Variants in SGSH observed in about 807,000 individuals in gnomAD.
The protein encoded by SGSH is heparan sulfate sulfatase.
In SGSH, 48 loss-of-function variants were observed where a neutral mutation model predicts 51.0. The observed-to-expected ratio is 0.94, with a 90% CI of 0.75 to 1.20. The LOEUF is 1.20. Among genes scored for constraint, SGSH ranks in the 50% most tolerant of loss-of-function variants. SGSH has a pLI of 0.00. For synonymous variants in SGSH, 321 were observed against 313.4 expected, an observed-to-expected ratio of 1.02 and a Z score of -0.26; for missense variants, 662 against 717.8, an observed-to-expected ratio of 0.92 and a Z score of 0.89.
chr17:80,211,220 T>G (rs746621484), intron 7 of SGSH: 4 of 1,407,100 alleles, frequency 2.8e-6, no homozygotes, highest in Non-Finnish European at 3.7e-6. Flanking sequence ...CCTGATTCGG[T>G]GACATTTAGG....
downstream of SGSH, chr17:80,208,293 C>T (rs2041464783): frequency 1.9e-6 from 3 of 1,603,502 alleles, no homozygotes; most frequent in Non-Finnish European, 1.7e-6. Context: ...GTCCGCCAGG[C>T]CATCGCCGAC....
At chr17:80,214,948 C>G (rs1303626941) in intron 3 of SGSH, 85 bp downstream of exon 3, 1 of 1,357,754 alleles carries the variant, frequency 7.4e-7, no homozygotes, top group Non-Finnish European at 1.0e-6. Context: ...CTGAGCGTGC[C>G]TTGGTACAAG....
At chr17:80,205,640 C>T (rs1357903126), downstream of SGSH, 1 of 1,565,090 alleles carries the variant, frequency 6.4e-7, no homozygotes, top group Middle Eastern at 1.8e-4. Context: ...CTGTGGAGTC[C>T]CTCATGGAAA....
At chr17:80,202,126 C>T, downstream of SGSH, 1 of 1,496,630 alleles carries the variant, frequency 6.7e-7, no homozygotes, top group Admixed American at 1.8e-5. Context: ...TGCAACCTTC[C>T]TCGCAGAGGC....
intron 4 of SGSH, 121 bp downstream of exon 4, chr17:80,214,494 T>G: frequency 7.7e-7 from 1 of 1,305,488 alleles, no homozygotes. Flanking sequence ...CTCGAGTACC[T>G]GGAACCTTCT....
At chr17:80,219,650 C>G (rs1303921434) in intron 1 of SGSH, 1 of 152,280 alleles carries the variant, frequency 6.6e-6, no homozygotes, top group Non-Finnish European at 1.5e-5. Flanking sequence ...GGCCTTGTCA[C>G]TTGTCATGAG....
chr17:80,209,909 A>G lies in SGSH; in HGVS notation c.*543T>C, dbSNP rs1188233330. 3.0e-6 allele frequency: 3 copies of G among 993,114 alleles called. No individual in the cohort carries two copies. The highest frequency in any genetic ancestry group is 2.4e-6 in the Non-Finnish European group (2 of 834,054). The allele number at this position is 993,114 out of a possible 1,614,324, so 61.5% of individuals were successfully genotyped here. On this transcript the variant is annotated 3_prime_UTR_variant, in exon 8 of 8. Coordinates refer to ENST00000326317, the MANE Select transcript of SGSH (RefSeq NM_000199.5). Reference sequence around the variant, plus strand: ...GCAGAAACCTGCCCAAAGGTCGCTCAAAGGCTTCCTCTAGGCCAGACGCTG... The same window carrying G: ...GCAGAAACCTGCCCAAAGGTCGCTCGAAGGCTTCCTCTAGGCCAGACGCTG...
rs764585957 is a variant in SGSH at position 80,210,505 on chromosome 17, C to G, written c.1456G>C (p.Val486Leu). 3.0e-5 allele frequency: 48 copies of G among 1,606,844 alleles called. No homozygotes were observed. In the Admixed American group the frequency reaches 4.0e-4, roughly 13 times the overall value. Residue 486 changes from valine (V) to leucine (L), a missense_variant, in exon 8 of 8, where the codon GTC becomes CTC. Physicochemically the swap from Val to Leu is conservative, Grantham distance 32 (BLOSUM62 1). Transcript: ENST00000326317. ...TGGGGAGAGAGCTTCTCCTCCAGGA[C>G]GCCGTCGGGGGCGCACACCCAGGGG... Reference protein sequence around the residue: ...HDPWVCAPDGVLEEKLSPQCQ... With the variant: ...HDPWVCAPDGLLEEKLSPQCQ...
intron 1 of SGSH, among the ~76,000 whole-genome samples, chr17:80,218,640 GGCTGT>G (rs1279083070): frequency 4.6e-5 from 7 of 152,226 alleles, no homozygotes; most frequent in Non-Finnish European, 8.8e-5. Context: ...GAGCGGGATG[GGCTGT>G]GCTCCGTACC....
rs1281196902 is a variant in SGSH at position 80,212,776 on chromosome 17, T to C, written c.746-502A>G. 8.6e-6 allele frequency: 2 copies of C among 232,286 alleles called. No individual in the cohort carries two copies. The highest frequency in any genetic ancestry group is 2.3e-5 in the African/African-American group (1 of 44,048). The allele number at this position is 232,286 out of a possible 1,614,324, so 14.4% of individuals were successfully genotyped here. On this transcript the variant is annotated intron_variant, in intron 6 of 7. Transcript: ENST00000326317. The surrounding 1 kb of genome is among the most constrained non-coding windows in gnomAD (Gnocchi z 5.9). ...CTGTCGTCCCTGACCCCAAAAGACA[T>C]GTGTGCTGGAATCTGTGAAGGGGTT...
At chr17:80,214,933 G>C in intron 3 of SGSH, 100 bp downstream of exon 3, 1 of 1,298,602 alleles carries the variant, frequency 7.7e-7, no homozygotes, top group Non-Finnish European at 1.1e-6. Context: ...GGCAGGCCAC[G>C]GGGGCTGAGC....
chr17:80,213,738 G>T lies in SGSH; in HGVS notation c.745+66C>A. 1 of 1,362,898 alleles carries T rather than the reference G, an allele frequency of 7.3e-7. No individual in the cohort carries two copies. Among genetic ancestry groups the T allele is most frequent in the Non-Finnish European group, 1.0e-6 (1 of 984,042 alleles). The allele number at this position is 1,362,898 out of a possible 1,614,324, so 84.4% of individuals were successfully genotyped here. ...CCACATTATGCCGTGACCTAAGAGG[G>T]CGCTGGCCCAGGATGGGGGACCCCG... On this transcript the variant is annotated intron_variant, in intron 6 of 7. Coordinates refer to ENST00000326317, the MANE Select transcript of SGSH (RefSeq NM_000199.5). The surrounding 1 kb of genome is among the most constrained non-coding windows in gnomAD (Gnocchi z 4.6).
chr17:80,219,161 CAAAAAAAA>C (rs11430982), intron 1 of SGSH, among the ~76,000 whole-genome samples: 8 of 54,260 alleles, frequency 1.5e-4, no homozygotes, highest in South Asian at 9.1e-4. Context: ...CCCTGTCTCA[CAAAAAAAA>C]AAAAAAAAAA....
chr17:80,214,740 C>A lies in SGSH; in HGVS notation c.381G>T (p.Gly127=). ...AGTCAAACGGGTACACGGTCTCCGG[C>A]CCCACGTGCTTCTTCCCGATGATGC... ...RTGIIGKKHV[G]PETVYPFDFA... is the part of the protein sequence containing the mutation. The change falls in exon 4 of 8, where the codon GGG becomes GGT. Residue 127 remains glycine (G), a synonymous_variant. Coordinates refer to ENST00000326317, the MANE Select transcript of SGSH (RefSeq NM_000199.5). The A allele has an allele frequency of 6.2e-7, 1 of 1,612,686 alleles. No individual in the cohort carries two copies. Among genetic ancestry groups the A allele is most frequent in the Non-Finnish European group, 8.5e-7 (1 of 1,180,002 alleles).
At position 80,210,193 on chromosome 17, in the gene SGSH, G is replaced by C; in HGVS notation, c.*259C>G. 1 of 1,397,686 alleles carries C rather than the reference G, an allele frequency of 7.2e-7. No homozygotes were observed. Among genetic ancestry groups the C allele is most frequent in the Non-Finnish European group, 9.3e-7 (1 of 1,077,252 alleles). The allele number at this position is 1,397,686 out of a possible 1,614,324, so 86.6% of individuals were successfully genotyped here. On this transcript the variant is annotated 3_prime_UTR_variant, in exon 8 of 8. Transcript: ENST00000326317. ...AATTCCCGTGCTGGGACATGGTTCAGACACAAGGACAACTGTGTCCCCTGC... is the reference window on the plus strand; with the variant it reads ...AATTCCCGTGCTGGGACATGGTTCACACACAAGGACAACTGTGTCCCCTGC...
At position 80,210,782 on chromosome 17, in the gene SGSH, C is replaced by T; in HGVS notation, c.1179G>A (p.Lys393=). The change falls in exon 8 of 8, where the codon AAG becomes AAA. Residue 393 remains lysine (K), a synonymous_variant. Coordinates refer to ENST00000326317, the MANE Select transcript of SGSH (RefSeq NM_000199.5). ...HFRLVHNLNF[K]MPFPIDQDFY... ...AGTCCTGGTCGATGGGAAAGGGCAT[C>T]TTGAAGTTGAGGTTGTGCACGAGGC... 1.2e-6 allele frequency: 2 copies of T among 1,614,038 alleles called. No homozygotes were observed. Among genetic ancestry groups the T allele is most frequent in the Non-Finnish European group, 1.7e-6 (2 of 1,180,040 alleles).
downstream of SGSH, chr17:80,207,053 C>T (rs372790630): frequency 5.3e-4 from 858 of 1,614,014 alleles, 10 homozygotes; most frequent in South Asian, 8.6e-3. Flanking sequence ...TCATCCACGT[C>T]TCTGTCAACG....
At position 80,220,274 on chromosome 17, in the gene SGSH, C is replaced by G; in HGVS notation, c.40G>C (p.Val14Leu). Residue 14 changes from valine to leucine, a missense_variant, in exon 1 of 8, where the codon GTC (valine) becomes CTC (leucine). By Grantham distance (32) the Val-to-Leu change is conservative. Transcript: ENST00000326317. ...GGACGCGCCCGGCAGAGCCCCAGGA[C>G]TAGCAGCAGCGCGCAGCAGGCGGGC... ...PVPACCALLL[V>L]LGLCRARPRN... is the part of the protein sequence containing the mutation. 2 of 1,521,326 alleles carry G rather than the reference C, an allele frequency of 1.3e-6. No homozygotes were observed. Among genetic ancestry groups the G allele is most frequent in the Admixed American group, 2.0e-5 (1 of 50,226 alleles). 94.2% of individuals were successfully genotyped at this position (1,521,326 alleles called of 1,614,324 possible).
At chr17:80,211,752 A>C (rs1210936051) in intron 7 of SGSH, 1 of 424,364 alleles carries the variant, frequency 2.4e-6, no homozygotes. Flanking sequence ...TGGGATTTGC[A>C]ATTTGGATAT....
Sources: gnomAD v4.1 joint callset for allele counts (sites outside exome capture counted in the v4.1 genomes callset) on GRCh38, gnomAD v4.1.1 for gene constraint, Gnocchi (gnomAD v3.1) non-coding constraint, MANE v1.5 for transcripts, NCBI Gene and HGNC (gene_info 2026-07-23, HGNC 2026-07-21) for gene names.